The following ALCAM variants were observed in gnomAD, a reference collection of about 807,000 sequenced individuals.
The protein encoded by ALCAM is activated leukocyte cell adhesion molecule, also known as CD166 antigen.
ALCAM carries 30 observed loss-of-function variants against 70.9 expected under a neutral mutation model. The ratio of observed to expected loss-of-function variants is 0.42; its 90% confidence interval spans 0.32 to 0.57. ALCAM has a LOEUF of 0.57. Among genes scored for constraint, ALCAM ranks in the 20% least tolerant of loss-of-function variants. The pLI is 0.11. For missense variants in ALCAM, 591 were observed against 695.1 expected, an observed-to-expected ratio of 0.85 and a Z score of 1.68; for synonymous variants, 249 against 242.5, an observed-to-expected ratio of 1.03 and a Z score of -0.25.
intron 8 of ALCAM, among the ~76,000 whole-genome samples, chr3:105,544,264 G>A (rs481177): frequency 0.83 from 125,330 of 151,434 alleles, 51,992 homozygotes; most frequent in East Asian, 0.96. Context: ...TCATCTCTTC[G>A]CCTTTGCTTA....
At chr3:105,573,913 C>T (rs1940909865) in intron 15 of ALCAM, among the ~76,000 whole-genome samples, 1 of 152,098 alleles carries the variant, frequency 6.6e-6, no homozygotes, top group African/African-American at 2.4e-5. Flanking sequence ...TGAAACAAGA[C>T]TTGGTTTTTA....
In ALCAM at chr3:105,552,545, G is replaced by T. The variant is rs781750170; in HGVS notation, c.1624G>T (p.Val542Phe). 6.2e-7 allele frequency: 1 copy of T among 1,611,694 alleles called. No individual in the cohort carries two copies. The highest frequency in any genetic ancestry group is 1.1e-5 in the South Asian group (1 of 91,030). ...IVVGLLLAAL[V>F]AGVVYWLYMK... ...TGTTGGTCTCCTCCTTGCTGCCCTT[G>T]TTGCTGGTGTCGTCTACTGGCTGTA... Residue 542 changes from valine to phenylalanine, a missense_variant, in exon 14 of 16, where the codon GTT becomes TTT. Physicochemically the swap from Val to Phe is conservative, Grantham distance 50 (BLOSUM62 -1). Coordinates refer to ENST00000306107, the MANE Select transcript of ALCAM (RefSeq NM_001627.4).
At chr3:105,547,004 A>G (rs1940265707) in intron 9 of ALCAM, 145 bp from the exon 10 acceptor site, 3 of 588,230 alleles carry the variant, frequency 5.1e-6, no homozygotes, top group Non-Finnish European at 5.3e-6. Context: ...AAGGAAATCT[A>G]TTTTGAAAGC....
At chr3:105,477,888 C>T (rs561231785) in intron 1 of ALCAM, among the ~76,000 whole-genome samples, 166 of 152,114 alleles carry the variant, frequency 1.1e-3, no homozygotes, top group Middle Eastern at 3.4e-3. Flanking sequence ...TTAAATTTTA[C>T]TCATAGACTT....
At chr3:105,398,874 T>C (rs578011739) in intron 1 of ALCAM, among the ~76,000 whole-genome samples, 1 of 152,194 alleles carries the variant, frequency 6.6e-6, no homozygotes, top group Non-Finnish European at 1.5e-5. Context: ...AAAAGTGTTC[T>C]AACCCTTCTA....
chr3:105,511,832 C>T (rs1552354), intron 1 of ALCAM, among the ~76,000 whole-genome samples: 151,969 of 152,080 alleles, frequency 1, 75,929 homozygotes, highest in Non-Finnish European at 1. Flanking sequence ...GCTAGCATAC[C>T]GGACTAGATC....
At chr3:105,494,205 T>G (rs1938672753) in intron 1 of ALCAM, among the ~76,000 whole-genome samples, 1 of 152,178 alleles carries the variant, frequency 6.6e-6, no homozygotes, top group South Asian at 2.1e-4. Context: ...ATTATATACT[T>G]TGTGTAAAAT....
chr3:105,397,396 A>G (rs1445808400), intron 1 of ALCAM, among the ~76,000 whole-genome samples: 2 of 152,074 alleles, frequency 1.3e-5, no homozygotes, highest in East Asian at 3.9e-4. Flanking sequence ...ATGTAAGTAC[A>G]TTATGTTATG....
Position 105,367,489 on chromosome 3 carries a change from A to G in ALCAM, c.73+8A>G. 6.2e-7 allele frequency: 1 copy of G among 1,613,980 alleles called. No homozygotes were observed. The highest frequency in any genetic ancestry group is 8.5e-7 in the Non-Finnish European group (1 of 1,179,898). On this transcript the variant is annotated splice_region_variant and intron_variant, in intron 1 of 15. Transcript: ENST00000306107. ...CCACCGTCTTCAGGCCAGGTGAGCA[A>G]GGGCCTGGGAGCAGCCCCAGACAGA...
chr3:105,411,049 C>A (rs778788964), intron 1 of ALCAM, among the ~76,000 whole-genome samples: 4 of 152,006 alleles, frequency 2.6e-5, no homozygotes, highest in African/African-American at 9.7e-5. Context: ...AAAGATATTT[C>A]TATTAGATGA....
chr3:105,524,574 A>G, intron 3 of ALCAM, 66 bp downstream of exon 3: 1 of 1,596,338 alleles, frequency 6.3e-7, no homozygotes, highest in African/African-American at 1.3e-5. Context: ...CATGTTCTTT[A>G]GAAAGAAGAC....
At chr3:105,535,770 A>C (rs1364142659) in intron 6 of ALCAM, among the ~76,000 whole-genome samples, 2 of 152,060 alleles carry the variant, frequency 1.3e-5, no homozygotes, top group Non-Finnish European at 2.9e-5. Flanking sequence ...TTATTAATTT[A>C]TCTAAAATTT....
At chr3:105,559,854 T>G (rs1940595953) in intron 14 of ALCAM, among the ~76,000 whole-genome samples, 1 of 152,200 alleles carries the variant, frequency 6.6e-6, no homozygotes, top group Admixed American at 6.6e-5. Context: ...CCCCTTAACA[T>G]GTTTTTGAGA....
intron 1 of ALCAM, among the ~76,000 whole-genome samples, chr3:105,385,153 A>G (rs1576124690): frequency 1.3e-5 from 2 of 151,614 alleles, no homozygotes; most frequent in East Asian, 3.9e-4. Context: ...AAACATATAA[A>G]AATATATGGA....
At chr3:105,457,625 A>G (rs1937551803) in intron 1 of ALCAM, among the ~76,000 whole-genome samples, 1 of 152,144 alleles carries the variant, frequency 6.6e-6, no homozygotes, top group Non-Finnish European at 1.5e-5. Context: ...AGTAGAATGA[A>G]TAAGACGAAG....
intron 1 of ALCAM, among the ~76,000 whole-genome samples, chr3:105,467,500 C>T (rs530845165): frequency 1.3e-4 from 19 of 150,960 alleles, no homozygotes; most frequent in Non-Finnish European, 2.2e-4. Context: ...GACTATACGG[C>T]GCTCCTTTTT....
intron 1 of ALCAM, among the ~76,000 whole-genome samples, chr3:105,512,630 A>T (rs189130463): frequency 3.3e-4 from 50 of 152,062 alleles, no homozygotes; most frequent in Non-Finnish European, 5.6e-4. Flanking sequence ...ATCTCCAGTT[A>T]AGCTAGTTCC....
chr3:105,441,808 A>C (rs528193019), intron 1 of ALCAM, among the ~76,000 whole-genome samples: 60 of 152,190 alleles, frequency 3.9e-4, no homozygotes, highest in Non-Finnish European at 7.2e-4. Flanking sequence ...AATGACGATA[A>C]AAGAATTAGT....
At chr3:105,469,979 A>G (rs1364813508) in intron 1 of ALCAM, among the ~76,000 whole-genome samples, 1 of 150,552 alleles carries the variant, frequency 6.6e-6, no homozygotes. Context: ...CTTACCTCAT[A>G]GGGGCATTAT....
Sources: allele counts gnomAD v4.1 joint callset (sites outside exome capture counted in the v4.1 genomes callset), GRCh38; gene constraint gnomAD v4.1.1; transcripts MANE v1.5; gene names NCBI Gene and HGNC (gene_info 2026-07-23, HGNC 2026-07-21).